CFAP20DC: variants seen among roughly 807,000 people sequenced by gnomAD.
The protein encoded by CFAP20DC is CFAP20 domain containing.
A neutral mutation model predicts 101.7 loss-of-function variants in CFAP20DC; 84 were observed. The observed-to-expected ratio is 0.83, with a 90% CI of 0.69 to 0.99. The LOEUF (loss-of-function observed/expected upper bound fraction) is 0.99. CFAP20DC is among the 50% of genes least tolerant of loss of function. The probability of loss-of-function intolerance (pLI) is 0.00; values close to 1 mark genes in which losing one functional copy is unlikely to be tolerated. For synonymous variants in CFAP20DC, 359 were observed against 351.2 expected (o/e 1.02, Z -0.25); for missense variants, 1,007 against 970.3 (o/e 1.04, Z -0.50).
chr3:58,950,112 T>A (rs962497925), intron 4 of CFAP20DC, among the ~76,000 whole-genome samples: 1 of 152,150 alleles, frequency 6.6e-6, no homozygotes, highest in African/African-American at 2.4e-5. Context: ...TCACAAGCAT[T>A]CTTATACACC....
intron 6 of CFAP20DC, among the ~76,000 whole-genome samples, chr3:58,910,419 C>G (rs1294571510): frequency 6.6e-6 from 1 of 152,084 alleles, no homozygotes; most frequent in African/African-American, 2.4e-5. Flanking sequence ...TTTCCTTAGA[C>G]TTTTAAAGGT....
chr3:58,808,512 G>A (rs1312425167), intron 14 of CFAP20DC, among the ~76,000 whole-genome samples: 2 of 152,150 alleles, frequency 1.3e-5, no homozygotes, highest in Non-Finnish European at 2.9e-5. Flanking sequence ...ACAAGCAAAT[G>A]CTGAGACATT....
chr3:58,842,508 G>A (rs557617202), intron 13 of CFAP20DC, among the ~76,000 whole-genome samples: 80 of 152,248 alleles, frequency 5.3e-4, no homozygotes, highest in Admixed American at 1.2e-3. Flanking sequence ...TGGCTCGGAG[G>A]GTCCTACGCC....
intron 7 of CFAP20DC, among the ~76,000 whole-genome samples, chr3:58,872,080 C>T (rs150458123): frequency 6.6e-6 from 1 of 152,290 alleles, no homozygotes; most frequent in African/African-American, 2.4e-5. Context: ...AATTAGCCTC[C>T]TCTGACTAAC....
chr3:58,956,074 T>C (rs1013568478), intron 4 of CFAP20DC, among the ~76,000 whole-genome samples: 5 of 151,530 alleles, frequency 3.3e-5, no homozygotes, highest in African/African-American at 1.2e-4. Context: ...TAAGACTTGC[T>C]GACTTCACAT....
intron 15 of CFAP20DC, among the ~76,000 whole-genome samples, chr3:58,763,014 T>A (rs535684452): frequency 1.0e-3 from 152 of 152,330 alleles, no homozygotes; most frequent in African/African-American, 3.4e-3. Flanking sequence ...CAATGATGTG[T>A]CTTGGAGTTG....
At chr3:59,040,662 T>A (rs1449100502) in intron 3 of CFAP20DC, among the ~76,000 whole-genome samples, 2 of 152,012 alleles carry the variant, frequency 1.3e-5, no homozygotes, top group African/African-American at 4.8e-5. Flanking sequence ...GCTTAACAAA[T>A]TAAGGGATTT....
At chr3:59,021,847 A>T (rs1022204216) in intron 4 of CFAP20DC, among the ~76,000 whole-genome samples, 3 of 151,984 alleles carry the variant, frequency 2.0e-5, no homozygotes, top group African/African-American at 7.2e-5. Flanking sequence ...GACAACTCTC[A>T]CCTCCCACGA....
intron 5 of CFAP20DC, among the ~76,000 whole-genome samples, chr3:58,919,613 CAAAT>C (rs2085124328): frequency 6.6e-6 from 1 of 152,184 alleles, no homozygotes; most frequent in South Asian, 2.1e-4. Context: ...TCTTAACAAA[CAAAT>C]AGTCTTGCAA....
intron 15 of CFAP20DC, among the ~76,000 whole-genome samples, chr3:58,783,914 G>T (rs113138252): frequency 6.6e-6 from 1 of 152,078 alleles, no homozygotes; most frequent in African/African-American, 2.4e-5. Flanking sequence ...TGGGTATATT[G>T]TGTGATGCTG....
At position 58,883,833 on chromosome 3, in the gene CFAP20DC, G is replaced by A. The variant is rs138018684; in HGVS notation, c.715+712C>T. ...TAAAAATGTCTCTAACCTGTAAGGA[G>A]GTGATTCTAACATATAGGTAGTTGA... is the stretch of plus-strand genomic sequence containing the variant. On this transcript the variant is annotated intron_variant, in intron 7 of 16. Coordinates refer to ENST00000482387, the MANE Select transcript of CFAP20DC (RefSeq NM_001394063.1). 6.9e-4 allele frequency among the ~76,000 whole-genome samples: 105 copies of A among 152,170 alleles called. No individual in the cohort carries two copies. In the Middle Eastern group the frequency reaches 0.01, roughly 15 times the overall value.
intron 4 of CFAP20DC, among the ~76,000 whole-genome samples, chr3:58,999,843 T>TAAAAAAAAA (rs565894929): frequency 2.6e-5 from 2 of 76,782 alleles, no homozygotes; most frequent in Non-Finnish European, 5.6e-5. Context: ...GTCACTAATG[T>TAAAAAAAAA]AAAAAAAAAA....
chr3:58,903,506 T>C (rs551950992), intron 6 of CFAP20DC, among the ~76,000 whole-genome samples: 18 of 152,278 alleles, frequency 1.2e-4, no homozygotes, highest in African/African-American at 3.9e-4. Context: ...GGGTAATTTA[T>C]AAAGGAAAGA....
chr3:58,938,457 T>A (rs1238457482), intron 4 of CFAP20DC, among the ~76,000 whole-genome samples: 3 of 152,186 alleles, frequency 2.0e-5, no homozygotes, highest in African/African-American at 7.2e-5. Context: ...CACAGCAGGC[T>A]TAAAATCTCC....
At position 58,722,026 on chromosome 3, in the gene CFAP20DC, A is replaced by G. The variant is rs187617900; in HGVS notation, c.198-4398T>C. ...TGGGACTAGTTCAGAAAAGGTCATG[A>G]GCTTTGTTTTCTTTTTACCTAGCTC... is the stretch of plus-strand genomic sequence containing the variant. On this transcript the variant is annotated intron_variant, in intron 3 of 3. Transcript: ENST00000486145. The surrounding 1 kb of genome is among the most constrained non-coding windows in gnomAD (Gnocchi z 4.5). Among the ~76,000 whole-genome samples, 1 of 152,252 alleles carries G rather than the reference A, an allele frequency of 6.6e-6. No homozygotes were observed. The highest frequency in any genetic ancestry group is 6.5e-5 in the Admixed American group (1 of 15,300).
At chr3:58,900,188 A>G (rs2083030067) in intron 6 of CFAP20DC, among the ~76,000 whole-genome samples, 2 of 152,214 alleles carry the variant, frequency 1.3e-5, no homozygotes, top group South Asian at 4.1e-4. Context: ...CATTCTAGGA[A>G]CTGAGATAAA....
chr3:58,745,408 G>A (rs539681195), intron 16 of CFAP20DC, among the ~76,000 whole-genome samples: 1 of 152,264 alleles, frequency 6.6e-6, no homozygotes, highest in East Asian at 1.9e-4. Context: ...GAGTTAAACT[G>A]GAAGGCTCTA....
At chr3:58,989,936 T>G (rs2092882650) in intron 4 of CFAP20DC, among the ~76,000 whole-genome samples, 3 of 152,188 alleles carry the variant, frequency 2.0e-5, no homozygotes. Context: ...GTCAAGAGTT[T>G]CAAAAGAGTC....
Position 59,049,979 on chromosome 3 carries a change from G to C in CFAP20DC, c.-348C>G, listed in dbSNP as rs897388679. On this transcript the variant is annotated 5_prime_UTR_variant, in exon 1 of 17. Transcript: ENST00000482387. ...CGGAGCCACAGACAACCGCCCGCTG[G>C]CCTAGGAAAAGCGGGCGCGCTCCCG... 7.2e-6 allele frequency: 2 copies of C among 277,334 alleles called. No homozygotes were observed. Among genetic ancestry groups the C allele is most frequent in the African/African-American group, 2.2e-5 (1 of 45,248 alleles). The allele number at this position is 277,334 out of a possible 1,614,324, so 17.2% of individuals were successfully genotyped here.
Sources: allele counts gnomAD v4.1 joint callset (sites outside exome capture counted in the v4.1 genomes callset), GRCh38; gene constraint gnomAD v4.1.1; non-coding constraint Gnocchi (gnomAD v3.1); transcripts MANE v1.5; gene names NCBI Gene and HGNC (gene_info 2026-07-23, HGNC 2026-07-21).